CPS1: variants seen among roughly 807,000 people sequenced by gnomAD.
CPS1 encodes carbamoyl-phosphate synthase [ammonia], mitochondrial.
In CPS1, 109 loss-of-function variants were observed where a neutral mutation model predicts 174.6. That is an observed-to-expected ratio of 0.62 (90% confidence interval 0.53 to 0.73). The LOEUF is 0.73. Ranked by LOEUF, CPS1 falls within the 30% of genes least tolerant of loss-of-function variation. The probability of loss-of-function intolerance (pLI) is 0.00; values close to 1 mark genes in which losing one functional copy is unlikely to be tolerated. For missense variants in CPS1, 1,689 were observed against 1,821.9 expected (o/e 0.93, Z 1.33); for synonymous variants, 637 against 632.0 (o/e 1.01, Z -0.12).
chr2:210,518,868 A>G (rs929856415), intron 1 of CPS1, among the ~76,000 whole-genome samples: 1 of 152,006 alleles, frequency 6.6e-6, no homozygotes, highest in Non-Finnish European at 1.5e-5. Flanking sequence ...GGCCCTTTAA[A>G]TCTAAATTTA....
At chr2:210,609,497 C>T (rs1196988465) in intron 19 of CPS1, among the ~76,000 whole-genome samples, 1 of 151,902 alleles carries the variant, frequency 6.6e-6, no homozygotes, top group Non-Finnish European at 1.5e-5. Flanking sequence ...TCTTATAATA[C>T]CCCCTCTTAA....
intron 1 of CPS1, among the ~76,000 whole-genome samples, chr2:210,517,592 C>T (rs1439240074): frequency 6.6e-6 from 1 of 151,934 alleles, no homozygotes; most frequent in Non-Finnish European, 1.5e-5. Context: ...CAGGAGCCTC[C>T]ACAGAACCCT....
At chr2:210,513,850 A>G (rs1329047557) in intron 1 of CPS1, among the ~76,000 whole-genome samples, 2 of 151,994 alleles carry the variant, frequency 1.3e-5, no homozygotes, top group Non-Finnish European at 2.9e-5. Context: ...ATCCATCTTC[A>G]GTGGCTTTTT....
intron 1 of CPS1, among the ~76,000 whole-genome samples, chr2:210,493,244 T>C (rs1349666854): frequency 1.3e-5 from 2 of 152,236 alleles, no homozygotes. Context: ...CATCACTTGC[T>C]TCTCTTAGAT....
chr2:210,495,461 A>G (rs1694968023), intron 1 of CPS1, among the ~76,000 whole-genome samples: 1 of 152,188 alleles, frequency 6.6e-6, no homozygotes, highest in African/African-American at 2.4e-5. Flanking sequence ...GTCTAAATTA[A>G]TGCAAAAAAT....
At chr2:210,547,762 T>TTA (rs1326246954) in intron 1 of CPS1, among the ~76,000 whole-genome samples, 2 of 152,104 alleles carry the variant, frequency 1.3e-5, no homozygotes, top group Non-Finnish European at 2.9e-5. Context: ...ATTTAAAGGT[T>TTA]TATTAGTGAA....
chr2:210,665,474 C>T (rs529220268), intron 33 of CPS1, among the ~76,000 whole-genome samples: 8 of 132,206 alleles, frequency 6.1e-5, no homozygotes, highest in East Asian at 2.4e-4. Context: ...ATCCCTCCCC[C>T]CTCCCCCCAC....
In CPS1 at chr2:210,590,150, C is replaced by T; in HGVS notation, c.756C>T (p.Thr252=). Residue 252 remains threonine, a synonymous_variant, in exon 8 of 38, where the codon ACC becomes ACT. Transcript: ENST00000233072. ...VHLVPWNHDF[T]KMEYDGILIA... is the part of the protein sequence containing the mutation. ...TAGTTCCCTGGAACCATGATTTCAC[C>T]AAGATGGAGTATGATGGGATTTTGA... is the stretch of plus-strand genomic sequence containing the variant. The T allele has an allele frequency of 1.2e-6, 2 of 1,612,806 alleles. No homozygotes were observed. Among genetic ancestry groups the T allele is most frequent in the Non-Finnish European group, 1.7e-6 (2 of 1,179,174 alleles).
At chr2:210,673,261 A>C (rs1174277702) in intron 34 of CPS1, 1 of 152,250 alleles carries the variant, frequency 6.6e-6, no homozygotes, top group Non-Finnish European at 1.5e-5. Flanking sequence ...TCAGTTACTC[A>C]GACACTCATG....
chr2:210,534,083 C>G (rs1696186197), intron 1 of CPS1, among the ~76,000 whole-genome samples: 1 of 152,168 alleles, frequency 6.6e-6, no homozygotes, highest in African/African-American at 2.4e-5. Context: ...TTGGATGTTC[C>G]TGCCACATAT....
rs1254728067 is a variant in CPS1, at chr2:210,575,261, T to G, written c.237-1085T>G. Among the ~76,000 whole-genome samples, 3 of 152,204 alleles carry G rather than the reference T, an allele frequency of 2.0e-5. No individual in the cohort carries two copies. In the East Asian group the frequency reaches 5.8e-4, roughly 29 times the overall value. ...GACTACTGCCTGCGTTAAACTTTAT[T>G]GGTTTCAAAGTCGTTGATTCTGTGC... On this transcript the variant is annotated intron_variant, in intron 2 of 37. Transcript: ENST00000233072.
Position 210,602,270 on chromosome 2 carries a change from G to A in CPS1, c.1776G>A (p.Leu592=). The A allele has an allele frequency of 6.2e-7, 1 of 1,612,570 alleles. No individual in the cohort carries two copies. The highest frequency in any genetic ancestry group is 8.5e-7 in the Non-Finnish European group (1 of 1,179,086). The change falls in exon 16 of 38, where the codon CTG becomes CTA. Residue 592 remains leucine (L), a synonymous_variant. Coordinates refer to ENST00000233072, the MANE Select transcript of CPS1 (RefSeq NM_001875.5). ...TGATGATCCGTTCCGCCTATGCACT[G>A]GGTGGGTTAGGCTCAGGCATCTGTC... is the stretch of plus-strand genomic sequence containing the variant. The part of the protein sequence containing the change: ...YPVMIRSAYA[L]GGLGSGICPN...
At chr2:210,485,115 C>T (rs527720343) in intron 1 of CPS1, among the ~76,000 whole-genome samples, 4 of 151,692 alleles carry the variant, frequency 2.6e-5, no homozygotes, top group Admixed American at 2.0e-4. Flanking sequence ...CCTGTAGTCC[C>T]AACTACTCGG....
intron 30 of CPS1, 119 bp downstream of exon 30, chr2:210,656,751 A>G: frequency 1.3e-6 from 1 of 741,712 alleles, no homozygotes; most frequent in Non-Finnish European, 2.4e-6. Flanking sequence ...GGTTAAATTT[A>G]ATGATGAGGC....
intron 1 of CPS1, among the ~76,000 whole-genome samples, chr2:210,491,120 A>G (rs980347266): frequency 2.6e-5 from 4 of 152,252 alleles, no homozygotes; most frequent in African/African-American, 9.6e-5. Context: ...TGAAGGTTTG[A>G]ATTGTGTATT....
upstream of CPS1, among the ~76,000 whole-genome samples, chr2:210,554,882 G>T (rs1342560761): frequency 6.7e-6 from 1 of 149,082 alleles, no homozygotes; most frequent in African/African-American, 2.5e-5. Context: ...AAGACAAGAG[G>T]TGAGATCAAG....
intron 28 of CPS1, among the ~76,000 whole-genome samples, chr2:210,653,062 A>G (rs1330118022): frequency 1.3e-5 from 2 of 152,174 alleles, no homozygotes; most frequent in Non-Finnish European, 2.9e-5. Context: ...CAGAGGCAAA[A>G]GGGATATTCA....
chr2:210,589,954 C>T, intron 7 of CPS1, 152 bp from the exon 8 acceptor site: 1 of 1,008,452 alleles, frequency 9.9e-7, no homozygotes, highest in Non-Finnish European at 1.5e-6. Context: ...AGCCCGGCCC[C>T]AAAGAAATTT....
At chr2:210,516,569 C>T (rs1695688127) in intron 1 of CPS1, among the ~76,000 whole-genome samples, 1 of 151,900 alleles carries the variant, frequency 6.6e-6, no homozygotes, top group Non-Finnish European at 1.5e-5. Context: ...CATATTACTT[C>T]TCTGTTTAAA....
Sources: allele counts gnomAD v4.1 joint callset (sites outside exome capture counted in the v4.1 genomes callset), GRCh38; gene constraint gnomAD v4.1.1; transcripts MANE v1.5; gene names NCBI Gene and HGNC (gene_info 2026-07-23, HGNC 2026-07-21).